The following ABI3BP variants were observed in gnomAD, a reference collection of about 807,000 sequenced individuals.
The protein encoded by ABI3BP is ABI family member 3 binding protein.
A neutral mutation model predicts 268.6 loss-of-function variants in ABI3BP; 216 were observed. That is an observed-to-expected ratio of 0.80 (90% CI 0.72 to 0.90). The LOEUF is 0.90. Among genes scored for constraint, ABI3BP ranks in the 40% least tolerant of loss-of-function variants. ABI3BP has a pLI of 0.00. For synonymous variants in ABI3BP, 730 were observed against 730.0 expected, an observed-to-expected ratio of 1.00 and a Z score of 0.00; for missense variants, 2,090 against 2,182.4, an observed-to-expected ratio of 0.96 and a Z score of 0.84.
At chr3:100,980,699 G>A (rs2088901487) in intron 1 of ABI3BP, among the ~76,000 whole-genome samples, 2 of 152,132 alleles carry the variant, frequency 1.3e-5, no homozygotes, top group African/African-American at 2.4e-5. Context: ...CAAAGAAAGA[G>A]GTTTATATGT....
At chr3:100,856,114 C>A (rs1425617170) in intron 14 of ABI3BP, among the ~76,000 whole-genome samples, 2 of 152,164 alleles carry the variant, frequency 1.3e-5, no homozygotes, top group Non-Finnish European at 2.9e-5. Flanking sequence ...TGAACTCAAT[C>A]CAGTTGGGTG....
rs75631020 is a variant in ABI3BP at position 100,956,311 on chromosome 3, T to C, written c.80-29830A>G. 9.1e-3 allele frequency among the ~76,000 whole-genome samples: 1,376 copies of C among 151,846 alleles called. 20 individuals carry two copies. Among genetic ancestry groups the C allele is most frequent in the African/African-American group, 0.031 (1,275 of 41,358 alleles). ...GATACCACTGCTGTTTCTTGATATCTGATTCCCCTATTATTCTGAGCACAT... is the reference window on the plus strand; with the variant it reads ...GATACCACTGCTGTTTCTTGATATCCGATTCCCCTATTATTCTGAGCACAT... On this transcript the variant is annotated intron_variant, in intron 1 of 67. Transcript: ENST00000471714.
At chr3:100,969,097 C>T (rs1269540072) in intron 1 of ABI3BP, among the ~76,000 whole-genome samples, 1 of 152,172 alleles carries the variant, frequency 6.6e-6, no homozygotes, top group Non-Finnish European at 1.5e-5. Context: ...GGCGGGGAAG[C>T]ATAGACATGG....
intron 1 of ABI3BP, among the ~76,000 whole-genome samples, chr3:100,954,142 T>G (rs2076055799): frequency 6.6e-6 from 1 of 152,286 alleles, no homozygotes; most frequent in East Asian, 1.9e-4. Flanking sequence ...ACATGAGATA[T>G]TTACCTTTTA....
chr3:100,810,514 G>C (rs995863310), intron 48 of ABI3BP, 37 bp from the exon 49 acceptor site: 1 of 1,421,056 alleles, frequency 7.0e-7, no homozygotes, highest in Admixed American at 2.0e-5. Context: ...GGTTACTATA[G>C]CACTTGACAG....
At chr3:100,856,289 C>T (rs773514823) in intron 14 of ABI3BP, among the ~76,000 whole-genome samples, 20 of 152,174 alleles carry the variant, frequency 1.3e-4, no homozygotes, top group Non-Finnish European at 2.6e-4. Flanking sequence ...AGCTTTCAAG[C>T]CTTGAAATGA....
At chr3:100,924,232 G>A (rs2153630685) in intron 2 of ABI3BP, among the ~76,000 whole-genome samples, 1 of 152,138 alleles carries the variant, frequency 6.6e-6, no homozygotes, top group South Asian at 2.1e-4. Context: ...GATTGTTACA[G>A]AATAAAAGAT....
At chr3:100,854,314 T>A (rs9817501) in intron 14 of ABI3BP, among the ~76,000 whole-genome samples, 51,550 of 151,598 alleles carry the variant, frequency 0.34, 9,124 homozygotes, top group African/African-American at 0.43. Context: ...AGCCGAGATC[T>A]CGCCACTGCA....
At position 100,835,656 on chromosome 3, in the gene ABI3BP, G is replaced by T; in HGVS notation, c.2136C>A (p.Pro712=). Residue 712 remains proline (P), a synonymous_variant, in exon 28 of 68, where the codon CCC becomes CCA. Coordinates refer to ENST00000471714, the MANE Select transcript of ABI3BP (RefSeq NM_001375547.2). ...CAGTTACAGGCTCAATGTCTGTGGT[G>T]GGAACTAACCAAAAGCAATACAATA... The part of the protein sequence containing the change: ...ETEAPSMTIV[P]TTDIEPVTVR... 1 of 1,534,136 alleles carries T rather than the reference G, an allele frequency of 6.5e-7. No homozygotes were observed.
rs72926248 is a variant in ABI3BP at position 100,862,803 on chromosome 3, C to T, written c.1210+35G>A. 3,007 of 1,417,354 alleles carry T rather than the reference C, an allele frequency of 2.1e-3. 63 individuals carry two copies. In the African/African-American group the frequency reaches 0.038, roughly 18 times the overall value. 87.8% of individuals were successfully genotyped at this position (1,417,354 alleles called of 1,614,324 possible). A position where few individuals can be genotyped will look rare whatever the true frequency, so the allele number is the denominator to read the frequency against. Reference sequence around the variant, plus strand: ...TGCAGAATTAAGCAATCACCACCCACAGCCTTAATATTAAATTTAAGGTAC... The same window carrying T: ...TGCAGAATTAAGCAATCACCACCCATAGCCTTAATATTAAATTTAAGGTAC... On this transcript the variant is annotated intron_variant, in intron 13 of 67. Transcript: ENST00000471714.
chr3:100,792,914 G>A (rs1398638267), intron 54 of ABI3BP, 146 bp from the exon 55 acceptor site: 2 of 652,418 alleles, frequency 3.1e-6, no homozygotes, highest in African/African-American at 3.7e-5. Flanking sequence ...ATAATTCAAA[G>A]TTAGTGGTAC....
chr3:100,897,001 T>C (rs2048011608), intron 4 of ABI3BP, among the ~76,000 whole-genome samples: 1 of 152,178 alleles, frequency 6.6e-6, no homozygotes, highest in African/African-American at 2.4e-5. Flanking sequence ...TGAGAACTTA[T>C]AAACACTTTA....
chr3:100,950,349 A>G (rs1351298560), intron 1 of ABI3BP, among the ~76,000 whole-genome samples: 1 of 152,236 alleles, frequency 6.6e-6, no homozygotes, highest in Non-Finnish European at 1.5e-5. Context: ...TCTCTTCAAA[A>G]AAACTGTACT....
rs186838381 is a variant in ABI3BP, at chr3:100,895,374, G to A, written c.461+3388C>T. 3.4e-4 allele frequency among the ~76,000 whole-genome samples: 52 copies of A among 152,274 alleles called. 1 individual carries two copies. In the South Asian group the frequency reaches 1.0e-2, roughly 29 times the overall value. ...AAACATGCGCCACAAAGGATAAAGT[G>A]ATATTTCATTGATACTTCCAAGCTA... On this transcript the variant is annotated intron_variant, in intron 4 of 67. Transcript: ENST00000471714.
At chr3:100,961,836 C>T (rs1476379568) in intron 1 of ABI3BP, among the ~76,000 whole-genome samples, 1 of 152,164 alleles carries the variant, frequency 6.6e-6, no homozygotes, top group African/African-American at 2.4e-5. Context: ...TTTACTTCCT[C>T]CCAAACTAGC....
At chr3:100,808,713 T>G (rs887357464) in intron 49 of ABI3BP, among the ~76,000 whole-genome samples, 3 of 152,004 alleles carry the variant, frequency 2.0e-5, no homozygotes, top group Admixed American at 6.6e-5. Flanking sequence ...AACACAATTT[T>G]ATTGGTTATA....
chr3:100,865,049 C>G (rs1005342012), intron 10 of ABI3BP, 142 bp from the exon 11 acceptor site: 2 of 678,368 alleles, frequency 2.9e-6, no homozygotes, highest in Non-Finnish European at 5.0e-6. Flanking sequence ...TAAAGAGCTC[C>G]TTGGCTTGTC....
chr3:100,850,264 G>C (rs1026826560), intron 16 of ABI3BP, 145 bp from the exon 17 acceptor site: 2 of 736,618 alleles, frequency 2.7e-6, no homozygotes, highest in Non-Finnish European at 4.5e-6. Context: ...TTGAAAGCTA[G>C]TGAATAAAAT....
At chr3:100,816,104 T>C in intron 43 of ABI3BP, 133 bp from the exon 44 acceptor site, 1 of 666,486 alleles carries the variant, frequency 1.5e-6, no homozygotes, top group Non-Finnish European at 2.4e-6. Flanking sequence ...AGGCAGCATA[T>C]AGTTGCTTTT....
Sources: allele counts gnomAD v4.1 joint callset (sites outside exome capture counted in the v4.1 genomes callset), GRCh38; gene constraint gnomAD v4.1.1; transcripts MANE v1.5; gene names NCBI Gene and HGNC (gene_info 2026-07-23, HGNC 2026-07-21).